The following NRXN1 variants were observed in gnomAD, a reference collection of about 807,000 sequenced individuals.
The protein encoded by NRXN1 is neurexin 1.
A neutral mutation model predicts 150.9 loss-of-function variants in NRXN1; 39 were observed. The observed-to-expected ratio is 0.26, with a 90% CI of 0.20 to 0.34. The LOEUF is 0.34. Among genes scored for constraint, NRXN1 ranks in the 10% least tolerant of loss-of-function variants. The probability of loss-of-function intolerance (pLI) is 1.00; values close to 1 mark genes in which losing one functional copy is unlikely to be tolerated. For missense variants in NRXN1, 1,815 were observed against 1,949.9 expected, an observed-to-expected ratio of 0.93 and a Z score of 1.30; for synonymous variants, 924 against 757.0, an observed-to-expected ratio of 1.22 and a Z score of -3.62.
rs114770080 is a variant in NRXN1 at position 50,558,599 on chromosome 2, T to C, written c.1321-5574A>G. Among the ~76,000 whole-genome samples, 998 of 152,306 alleles carry C rather than the reference T, an allele frequency of 6.6e-3. 4 individuals carry two copies. The highest frequency in any genetic ancestry group is 0.022 in the African/African-American group (923 of 41,558). On this transcript the variant is annotated intron_variant, in intron 8 of 22. Coordinates refer to ENST00000401669, the MANE Select transcript of NRXN1 (RefSeq NM_001330078.2). ...AGTTATAGCAGAGGGCCTATTTCTG[T>C]TTCCAAGATGATATTGTAGTTTTTC...
intron 8 of NRXN1, among the ~76,000 whole-genome samples, chr2:50,593,107 T>C (rs1674559915): frequency 6.6e-6 from 1 of 152,256 alleles, no homozygotes; most frequent in Non-Finnish European, 1.5e-5. Context: ...TCAGAGTCTG[T>C]AGTTTTTGTG....
intron 17 of NRXN1, among the ~76,000 whole-genome samples, chr2:50,279,549 T>C (rs2071119469): frequency 6.6e-6 from 1 of 152,182 alleles, no homozygotes; most frequent in Non-Finnish European, 1.5e-5. Context: ...GTTTAGGTAA[T>C]TTATTAATAA....
chr2:50,640,149 T>G (rs899374771), intron 5 of NRXN1, among the ~76,000 whole-genome samples: 4 of 152,160 alleles, frequency 2.6e-5, no homozygotes, highest in Non-Finnish European at 5.9e-5. Flanking sequence ...AGCAATGCCT[T>G]GGCCCCAGAC....
intron 2 of NRXN1, among the ~76,000 whole-genome samples, chr2:50,949,574 G>A (rs1264100954): frequency 6.6e-6 from 1 of 151,988 alleles, no homozygotes; most frequent in Non-Finnish European, 1.5e-5. Flanking sequence ...TCTTCCTAGT[G>A]CAATCCAGAC....
intron 22 of NRXN1, among the ~76,000 whole-genome samples, chr2:49,932,401 T>C (rs1210375392): frequency 6.6e-6 from 1 of 152,170 alleles, no homozygotes; most frequent in Non-Finnish European, 1.5e-5. Flanking sequence ...TGCTGGGCAA[T>C]AGAGAACCCA....
chr2:50,312,073 T>A (rs1182737115), intron 17 of NRXN1, among the ~76,000 whole-genome samples: 1 of 152,166 alleles, frequency 6.6e-6, no homozygotes, highest in Non-Finnish European at 1.5e-5. Flanking sequence ...TTAACCACTG[T>A]ATTTATTCAC....
intron 2 of NRXN1, among the ~76,000 whole-genome samples, chr2:51,021,510 T>C (rs1669605585): frequency 1.3e-5 from 2 of 151,862 alleles, no homozygotes; most frequent in African/African-American, 4.8e-5. Flanking sequence ...TTAATTCACA[T>C]TTAATGATAT....
At chr2:50,630,269 G>T (rs1251967438) in intron 5 of NRXN1, among the ~76,000 whole-genome samples, 1 of 151,596 alleles carries the variant, frequency 6.6e-6, no homozygotes, top group Non-Finnish European at 1.5e-5. Flanking sequence ...TGTAGAAGGT[G>T]TTCAATCCTT....
intron 21 of NRXN1, among the ~76,000 whole-genome samples, chr2:50,000,720 A>C (rs1015564425): frequency 3.3e-5 from 5 of 152,176 alleles, no homozygotes; most frequent in African/African-American, 9.7e-5. Context: ...AATGTGGTGA[A>C]AAGTGTACAA....
intron 17 of NRXN1, among the ~76,000 whole-genome samples, chr2:50,275,770 C>T (rs1486874490): frequency 6.6e-6 from 1 of 151,960 alleles, no homozygotes; most frequent in Non-Finnish European, 1.5e-5. Context: ...AATACAGCTC[C>T]TTCAAATTTA....
intron 2 of NRXN1, among the ~76,000 whole-genome samples, chr2:51,019,692 T>C (rs944153069): frequency 1.3e-5 from 2 of 152,124 alleles, no homozygotes; most frequent in Admixed American, 6.6e-5. Flanking sequence ...AGTTGAGTTG[T>C]TCTAATTGGA....
At chr2:50,132,562 C>A (rs1705688641) in intron 18 of NRXN1, among the ~76,000 whole-genome samples, 1 of 152,104 alleles carries the variant, frequency 6.6e-6, no homozygotes, top group Admixed American at 6.5e-5. Context: ...GCCTCGGCCT[C>A]CCAAAGCGCT....
At chr2:50,220,502 G>A (rs1232654823) in intron 18 of NRXN1, among the ~76,000 whole-genome samples, 1 of 151,940 alleles carries the variant, frequency 6.6e-6, no homozygotes, top group Non-Finnish European at 1.5e-5. Flanking sequence ...ATTTGAACCA[G>A]CCTCTTTCAC....
At chr2:50,645,998 C>A (rs1684763900) in intron 5 of NRXN1, among the ~76,000 whole-genome samples, 1 of 151,874 alleles carries the variant, frequency 6.6e-6, no homozygotes, top group Non-Finnish European at 1.5e-5. Flanking sequence ...GCTGGAAGGG[C>A]TTCCCTAGAA....
intron 8 of NRXN1, among the ~76,000 whole-genome samples, chr2:50,610,255 T>A (rs984272649): frequency 6.6e-6 from 1 of 152,138 alleles, no homozygotes; most frequent in African/African-American, 2.4e-5. Flanking sequence ...TAAATTTATA[T>A]GAAGGTGTTT....
At chr2:50,255,137 A>G in intron 17 of NRXN1, among the ~76,000 whole-genome samples, 1 of 151,970 alleles carries the variant, frequency 6.6e-6, no homozygotes, top group Non-Finnish European at 1.5e-5. Context: ...TAACGGTTAT[A>G]AAAAACAAAC....
intron 5 of NRXN1, among the ~76,000 whole-genome samples, chr2:50,639,884 A>T (rs890618269): frequency 2.6e-5 from 4 of 152,154 alleles, no homozygotes; most frequent in Non-Finnish European, 5.9e-5. Context: ...TTTGACTCAA[A>T]TGTTCGAATA....
intron 8 of NRXN1, among the ~76,000 whole-genome samples, chr2:50,560,515 C>A (rs1017670106): frequency 6.6e-6 from 1 of 151,974 alleles, no homozygotes; most frequent in Non-Finnish European, 1.5e-5. Context: ...ACTATGCAAC[C>A]TCTGCTGCCC....
At chr2:50,097,391 T>TCAGAATACAGAAAGAATCC (rs1350464666) in intron 18 of NRXN1, among the ~76,000 whole-genome samples, 14 of 152,178 alleles carry the variant, frequency 9.2e-5, no homozygotes, top group Non-Finnish European at 1.8e-4. Flanking sequence ...TGTACTCATT[T>TCAGAATACAGAAAGAATCC]CAGAATACAG....
Sources: allele counts gnomAD v4.1 joint callset (sites outside exome capture counted in the v4.1 genomes callset), GRCh38; gene constraint gnomAD v4.1.1; transcripts MANE v1.5; gene names NCBI Gene and HGNC (gene_info 2026-07-23, HGNC 2026-07-21).